Variants in SHISA6 observed in about 807,000 individuals in gnomAD.
The protein encoded by SHISA6 is shisa family member 6.
Under a neutral mutation model 47.9 loss-of-function variants are expected in SHISA6, and 22 were observed. The ratio of observed to expected loss-of-function variants is 0.46; its 90% CI spans 0.33 to 0.66. SHISA6 has a LOEUF of 0.66. Ranked by LOEUF, SHISA6 falls within the 30% of genes least tolerant of loss-of-function variation. The pLI is 0.02. For missense variants in SHISA6, 680 were observed against 764.6 expected, an observed-to-expected ratio of 0.89 and a Z score of 1.30; for synonymous variants, 388 against 337.8, an observed-to-expected ratio of 1.15 and a Z score of -1.63.
At chr17:11,278,024 T>C (rs1597436341) in intron 2 of SHISA6, among the ~76,000 whole-genome samples, 1 of 152,186 alleles carries the variant, frequency 6.6e-6, no homozygotes, top group South Asian at 2.1e-4. Flanking sequence ...TATTAATGAT[T>C]TGTGTCACAG....
intron 3 of SHISA6, among the ~76,000 whole-genome samples, chr17:11,472,937 T>C (rs1176532922): frequency 6.6e-6 from 1 of 152,248 alleles, no homozygotes. Flanking sequence ...TATGTGGTTA[T>C]TTGCCAGCTA....
At chr17:11,405,018 C>CT (rs1360646680) in intron 3 of SHISA6, among the ~76,000 whole-genome samples, 1 of 152,124 alleles carries the variant, frequency 6.6e-6, no homozygotes, top group East Asian at 1.9e-4. Context: ...CTCTGTTCAA[C>CT]TTTATCTGCA....
In SHISA6 at chr17:11,249,591, T is replaced by C. The variant is rs529214917; in HGVS notation, c.638+7531T>C. ...AAGAACCTGGTTGTACATACCTTAA[T>C]GTGTCACCCTTCCAAGCAGTCACCT... On this transcript the variant is annotated intron_variant, in intron 1 of 5. Transcript: ENST00000441885. 2.0e-5 allele frequency among the ~76,000 whole-genome samples: 3 copies of C among 152,306 alleles called. No homozygotes were observed. In the South Asian group the frequency reaches 6.2e-4, roughly 32 times the overall value.
intron 3 of SHISA6, among the ~76,000 whole-genome samples, chr17:11,427,237 G>A (rs375122331): frequency 1.3e-5 from 2 of 151,970 alleles, no homozygotes; most frequent in Non-Finnish European, 1.5e-5. Context: ...AGGTTCAAGC[G>A]ATTCTCCTGC....
intron 3 of SHISA6, among the ~76,000 whole-genome samples, chr17:11,467,190 A>T (rs1055376281): frequency 6.6e-6 from 1 of 152,186 alleles, no homozygotes; most frequent in Non-Finnish European, 1.5e-5. Flanking sequence ...GTATTCATTC[A>T]TGCCTTCACT....
intron 2 of SHISA6, among the ~76,000 whole-genome samples, chr17:11,292,696 G>C (rs1377015982): frequency 6.6e-6 from 1 of 151,904 alleles, no homozygotes; most frequent in African/African-American, 2.4e-5. Flanking sequence ...CGGGCAGGGG[G>C]TGCAGAAAGC....
intron 3 of SHISA6, among the ~76,000 whole-genome samples, chr17:11,532,739 CTTTTTTTTTTTTTTT>C (rs71142217): frequency 8.4e-5 from 6 of 71,256 alleles, no homozygotes; most frequent in African/African-American, 3.5e-4. Context: ...TCTATCAGGG[CTTTTTTTTTTTTTTT>C]TTTTTTTTTT....
chr17:11,498,015 A>G (rs1242430444), intron 3 of SHISA6, among the ~76,000 whole-genome samples: 2 of 152,178 alleles, frequency 1.3e-5, no homozygotes, highest in Non-Finnish European at 2.9e-5. Context: ...TAATAAATAC[A>G]GTGTTTTTGG....
chr17:11,434,064 C>CTT lies in SHISA6; in HGVS notation c.895+54571_895+54572dup, dbSNP rs1367652038. 2.1e-3 allele frequency among the ~76,000 whole-genome samples: 283 copies of CTT among 138,020 alleles called. 2 individuals carry two copies. The highest frequency in any genetic ancestry group is 6.2e-3 in the African/African-American group (231 of 37,154). The allele number at this position is 138,020 out of a possible 152,430, so 90.5% of individuals were successfully genotyped here. A position where few individuals can be genotyped will look rare whatever the true frequency, so the allele number is the denominator to read the frequency against. ...TGGAAACATTTTTTCTTTTTTCTCT[C>CTT]TTTTTTTTTTTTTTTTTGAGACTGT... On this transcript the variant is annotated intron_variant, in intron 3 of 5. Transcript: ENST00000441885.
At chr17:11,452,514 A>G (rs1159456987) in intron 3 of SHISA6, among the ~76,000 whole-genome samples, 2 of 152,170 alleles carry the variant, frequency 1.3e-5, no homozygotes, top group Non-Finnish European at 2.9e-5. Context: ...TTCATGCTGC[A>G]GACACAGGTG....
At chr17:11,367,983 G>T (rs753903372) in intron 2 of SHISA6, among the ~76,000 whole-genome samples, 1 of 152,158 alleles carries the variant, frequency 6.6e-6, no homozygotes, top group African/African-American at 2.4e-5. Flanking sequence ...CACCTAGAGT[G>T]CTTATAGTTC....
At chr17:11,335,684 C>T (rs993694128) in intron 2 of SHISA6, among the ~76,000 whole-genome samples, 13 of 152,088 alleles carry the variant, frequency 8.5e-5, no homozygotes, top group African/African-American at 3.1e-4. Flanking sequence ...TATTTTCCCA[C>T]GAATTATCAG....
chr17:11,285,263 T>G (rs973583961), intron 2 of SHISA6, among the ~76,000 whole-genome samples: 1 of 152,208 alleles, frequency 6.6e-6, no homozygotes, highest in African/African-American at 2.4e-5. Flanking sequence ...ACATCCCATT[T>G]GGTGTGTCAG....
In SHISA6 at chr17:11,388,020, A is replaced by G. The variant is rs557351114; in HGVS notation, c.895+8511A>G. On this transcript the variant is annotated intron_variant, in intron 3 of 5. Coordinates refer to ENST00000441885, the MANE Select transcript of SHISA6 (RefSeq NM_207386.4). ...TCCTAGGAAGAAAGTATGGATGTGT[A>G]TGTGTGGGCCTCTGTAAAGTCACAG... Among the ~76,000 whole-genome samples the G allele has an allele frequency of 8.5e-5, 13 of 152,250 alleles. No individual in the cohort carries two copies. The East Asian group carries it at 2.5e-3, about 29-fold the overall frequency.
chr17:11,261,894 C>T (rs571443805), intron 1 of SHISA6, among the ~76,000 whole-genome samples: 1 of 152,200 alleles, frequency 6.6e-6, no homozygotes, highest in South Asian at 2.1e-4. Context: ...AGCTGCTAAA[C>T]TGTTTACCAA....
chr17:11,259,606 G>T (rs964729108), intron 1 of SHISA6, among the ~76,000 whole-genome samples: 1 of 152,220 alleles, frequency 6.6e-6, no homozygotes, highest in Non-Finnish European at 1.5e-5. Context: ...GTCCCTGCAG[G>T]TGTTGAGATA....
At chr17:11,542,333 A>AG (rs1555543590) in intron 3 of SHISA6, among the ~76,000 whole-genome samples, 9,028 of 128,054 alleles carry the variant, frequency 0.071, 359 homozygotes, top group Middle Eastern at 0.096. Flanking sequence ...CAGTGCTACA[A>AG]GAAAAAAAAA....
At chr17:11,433,548 T>C (rs1205352041) in intron 3 of SHISA6, among the ~76,000 whole-genome samples, 2 of 152,132 alleles carry the variant, frequency 1.3e-5, no homozygotes, top group South Asian at 2.1e-4. Flanking sequence ...AACATACATG[T>C]GTGTGTTCAA....
chr17:11,414,277 G>T (rs1053808786), intron 3 of SHISA6, among the ~76,000 whole-genome samples: 2 of 152,158 alleles, frequency 1.3e-5, no homozygotes, highest in Admixed American at 6.5e-5. Context: ...ACACCACTTT[G>T]CAGTATCTCA....
Sources: gnomAD v4.1 joint callset for allele counts (sites outside exome capture counted in the v4.1 genomes callset) on GRCh38, gnomAD v4.1.1 for gene constraint, MANE v1.5 for transcripts, NCBI Gene and HGNC (gene_info 2026-07-23, HGNC 2026-07-21) for gene names.